The following CHST9 variants were observed in gnomAD, a reference collection of about 807,000 sequenced individuals.
CHST9 encodes the protein carbohydrate sulfotransferase 9, also known as GalNAc-4-sulfotransferase 2.
A neutral mutation model predicts 44.4 loss-of-function variants in CHST9; 41 were observed. That is an observed-to-expected ratio of 0.92 (90% CI 0.72 to 1.20). CHST9 has a LOEUF of 1.20. CHST9 is among the 50% of genes most tolerant of loss of function. The pLI, the probability that CHST9 is intolerant of heterozygous loss-of-function variation, is 0.00. For missense variants in CHST9, 504 were observed against 516.5 expected, an observed-to-expected ratio of 0.98 and a Z score of 0.23; for synonymous variants, 171 against 178.4, an observed-to-expected ratio of 0.96 and a Z score of 0.33.
At chr18:27,126,857 G>A (rs1282312632) in intron 2 of CHST9, among the ~76,000 whole-genome samples, 4 of 152,142 alleles carry the variant, frequency 2.6e-5, no homozygotes, top group Non-Finnish European at 4.4e-5. Flanking sequence ...CTCAGAAAAG[G>A]ATAATTGTGA....
At chr18:27,172,240 T>C (rs2058838835) in intron 1 of CHST9, among the ~76,000 whole-genome samples, 1 of 152,168 alleles carries the variant, frequency 6.6e-6, no homozygotes, top group Non-Finnish European at 1.5e-5. Flanking sequence ...CCACCTTTCA[T>C]ACTGCTATAA....
chr18:27,059,889 C>A (rs1256661948), intron 2 of CHST9, among the ~76,000 whole-genome samples: 1 of 152,198 alleles, frequency 6.6e-6, no homozygotes, highest in African/African-American at 2.4e-5. Context: ...GCCGATATTT[C>A]ATGGATAGAA....
chr18:27,004,683 A>G (rs1273386470), intron 4 of CHST9, among the ~76,000 whole-genome samples: 1 of 152,160 alleles, frequency 6.6e-6, no homozygotes, highest in Non-Finnish European at 1.5e-5. Flanking sequence ...TTTTGTTCTA[A>G]CGGTTTCCCT....
intron 5 of CHST9, among the ~76,000 whole-genome samples, chr18:26,931,770 A>G (rs1364121277): frequency 1.3e-5 from 2 of 152,252 alleles, no homozygotes; most frequent in Non-Finnish European, 2.9e-5. Flanking sequence ...TGAGGGCTTC[A>G]CATGCACCAG....
At chr18:27,005,786 C>G (rs745761167) in intron 4 of CHST9, among the ~76,000 whole-genome samples, 41 of 152,196 alleles carry the variant, frequency 2.7e-4, no homozygotes, top group Admixed American at 2.2e-3. Context: ...AGCTACGAAC[C>G]TTCTTCTTCC....
At chr18:26,945,878 A>C (rs2056154695) in intron 4 of CHST9, among the ~76,000 whole-genome samples, 1 of 152,206 alleles carries the variant, frequency 6.6e-6, no homozygotes, top group South Asian at 2.1e-4. Flanking sequence ...AGTGAAACTT[A>C]CTGGCCAATT....
At position 27,184,597 on chromosome 18, in the gene CHST9, C is replaced by A. The variant is rs142750922; in HGVS notation, c.-97+539G>T. ...TCCCTCCCACCTCTCCCGCAGCCTG[C>A]GCCTGAGCCTGAGCCAGGTCGCGGA... On this transcript the variant is annotated intron_variant, in intron 1 of 5. Coordinates refer to ENST00000618847, the MANE Select transcript of CHST9 (RefSeq NM_031422.6). Among the ~76,000 whole-genome samples the A allele has an allele frequency of 3.3e-3, 506 of 152,184 alleles. 4 individuals are homozygous for A. The highest frequency in any genetic ancestry group is 0.012 in the African/African-American group (479 of 41,524).
chr18:27,171,781 TATTTCCAATA>T (rs1184353478), intron 1 of CHST9, among the ~76,000 whole-genome samples: 3 of 152,228 alleles, frequency 2.0e-5, no homozygotes, highest in African/African-American at 7.2e-5. Context: ...GGTATTTATT[TATTTCCAATA>T]ATTATGATTT....
chr18:27,013,607 A>C (rs1227691624), intron 4 of CHST9, among the ~76,000 whole-genome samples: 1 of 152,198 alleles, frequency 6.6e-6, no homozygotes, highest in Admixed American at 6.5e-5. Context: ...ATTAGCAAAG[A>C]GCCTTACTCA....
intron 2 of CHST9, among the ~76,000 whole-genome samples, chr18:27,112,786 A>T (rs895391699): frequency 6.6e-6 from 1 of 152,170 alleles, no homozygotes; most frequent in Admixed American, 6.5e-5. Context: ...AGAGTACATC[A>T]CATATAAATG....
intron 2 of CHST9, among the ~76,000 whole-genome samples, chr18:27,110,200 C>G (rs1172144795): frequency 6.7e-6 from 1 of 148,970 alleles, no homozygotes; most frequent in African/African-American, 2.5e-5. Context: ...TGCCAATTTG[C>G]TACTTCTTTA....
At chr18:27,130,653 C>G (rs28655160) in intron 2 of CHST9, among the ~76,000 whole-genome samples, 1,605 of 152,232 alleles carry the variant, frequency 0.011, 23 homozygotes, top group African/African-American at 0.034. Flanking sequence ...CAATGATATT[C>G]TTAGCAGAAT....
chr18:27,073,001 AGTTT>A (rs925124018), intron 2 of CHST9, among the ~76,000 whole-genome samples: 18 of 152,290 alleles, frequency 1.2e-4, no homozygotes, highest in African/African-American at 3.8e-4. Context: ...AGACTTCAGT[AGTTT>A]GTTTGCCCGC....
At chr18:26,928,077 C>T (rs1475198363) in intron 5 of CHST9, among the ~76,000 whole-genome samples, 1 of 152,208 alleles carries the variant, frequency 6.6e-6, no homozygotes, top group Non-Finnish European at 1.5e-5. Context: ...TGAGTCGACA[C>T]AGCACTTGTT....
intron 5 of CHST9, among the ~76,000 whole-genome samples, chr18:26,939,864 T>A (rs1168017803): frequency 2.0e-5 from 3 of 152,162 alleles, no homozygotes; most frequent in African/African-American, 7.2e-5. Flanking sequence ...TCCTACCTCA[T>A]GTTTTACTTT....
At chr18:27,095,077 T>C (rs1301464481) in intron 2 of CHST9, among the ~76,000 whole-genome samples, 1 of 152,182 alleles carries the variant, frequency 6.6e-6, no homozygotes, top group Non-Finnish European at 1.5e-5. Context: ...TGAGGTAGTG[T>C]ATTACATAAA....
intron 2 of CHST9, among the ~76,000 whole-genome samples, chr18:27,109,056 A>C (rs1341282936): frequency 6.6e-6 from 1 of 152,208 alleles, no homozygotes; most frequent in Middle Eastern, 3.2e-3. Flanking sequence ...GCAGTAAGGG[A>C]TAATTGTATG....
chr18:27,061,516 T>A (rs974596087), intron 2 of CHST9, among the ~76,000 whole-genome samples: 2 of 152,156 alleles, frequency 1.3e-5, no homozygotes, highest in African/African-American at 4.8e-5. Flanking sequence ...CCCAGGTGTC[T>A]GTATATGGCA....
chr18:26,907,581 G>T lies in CHST9; in HGVS notation c.*8678C>A, dbSNP rs2055386368. 6.5e-6 allele frequency: 1 copy of T among 152,822 alleles called. No homozygotes were observed. The highest frequency in any genetic ancestry group is 1.5e-5 in the Non-Finnish European group (1 of 68,620). 9.5% of individuals were successfully genotyped at this position (152,822 alleles called of 1,614,324 possible). On this transcript the variant is annotated 3_prime_UTR_variant, in exon 6 of 6. Transcript: ENST00000618847. ...GAGCTGAATGTGGGATGGTCATGCG[G>T]GGCAGGCAACTCTTGGAGGGGGCAC...
Sources: gnomAD v4.1 joint callset for allele counts (sites outside exome capture counted in the v4.1 genomes callset) on GRCh38, gnomAD v4.1.1 for gene constraint, MANE v1.5 for transcripts, NCBI Gene and HGNC (gene_info 2026-07-23, HGNC 2026-07-21) for gene names.